The following POU2F2 variants were observed in gnomAD, a reference collection of about 807,000 sequenced individuals.
The protein encoded by POU2F2 is POU class 2 homeobox 2.
Under a neutral mutation model 63.5 loss-of-function variants are expected in POU2F2, and 14 were observed. The ratio of observed to expected loss-of-function variants is 0.22; its 90% CI spans 0.15 to 0.34. The LOEUF (loss-of-function observed/expected upper bound fraction) is 0.34, where lower values mean the gene tolerates loss of function less well. Ranked by LOEUF, POU2F2 falls within the 10% of genes least tolerant of loss-of-function variation. POU2F2 has a pLI of 1.00. For missense variants in POU2F2, 607 were observed against 815.2 expected (o/e 0.74, Z 3.11); for synonymous variants, 306 against 348.6 (o/e 0.88, Z 1.36).
chr19:42,188,578 G>A (rs2035039077), intron 1 of POU2F2, among the ~76,000 whole-genome samples: 1 of 150,968 alleles, frequency 6.6e-6, no homozygotes, highest in Non-Finnish European at 1.5e-5. Context: ...GGCTGAGGCA[G>A]GAGAATTGCT....
rs765790484 is a variant in POU2F2, at chr19:42,092,229, G to C, written c.1306C>G (p.Arg436Gly). ...CCGCCCCCACCCCCTCCAGCTGTCC[G>C]GCTGGGGTGGAGCGTCCCCACAGCT... The part of the protein sequence containing the change: ...SSAVGTLHPS[R>G]TAGGGGGGGG... The change falls in exon 13 of 15, where the codon CGG (arginine) becomes GGG (glycine). Residue 436 changes from arginine (R) to glycine (G), a missense_variant. By Grantham distance (125) the Arg-to-Gly change is moderately radical. Around this residue, in one of 7 missense-constraint regions of POU2F2, gnomAD observed 270 missense variants for 307.5 expected, o/e 0.88. Coordinates refer to ENST00000692977, the MANE Select transcript of POU2F2 (RefSeq NM_001394376.1). This position sits in a 1 kb window ranked among gnomAD's most constrained non-coding sequence, Gnocchi z 5.0. 1 of 1,567,898 alleles carries C rather than the reference G, an allele frequency of 6.4e-7. No homozygotes were observed. Among genetic ancestry groups the C allele is most frequent in the East Asian group, 2.3e-5 (1 of 43,488 alleles).
chr19:42,194,862 T>A (rs1375378779), intron 1 of POU2F2, among the ~76,000 whole-genome samples: 224 of 30,094 alleles, frequency 7.4e-3, no homozygotes, highest in Middle Eastern at 0.02. Flanking sequence ...GGAGGGAAGG[T>A]GGAAAGAAGG....
Position 42,117,072 on chromosome 19 carries a change from G to C in POU2F2, c.369+178C>G. 1.5e-6 allele frequency: 1 copy of C among 668,692 alleles called. No homozygotes were observed. Among genetic ancestry groups the C allele is most frequent in the Non-Finnish European group, 2.7e-6 (1 of 372,490 alleles). The allele number at this position is 668,692 out of a possible 1,614,324, so 41.4% of individuals were successfully genotyped here. On this transcript the variant is annotated intron_variant, in intron 5 of 14. Coordinates refer to ENST00000692977, the MANE Select transcript of POU2F2 (RefSeq NM_001394376.1). This position sits in a 1 kb window ranked among gnomAD's most constrained non-coding sequence, Gnocchi z 4.4. Reference sequence around the variant, plus strand: ...GAAGAGGAGCAGAGAAGGCAGAGAGGGGTTAGTGCCTAAGCCAAGCAAGTA... The same window carrying C: ...GAAGAGGAGCAGAGAAGGCAGAGAGCGGTTAGTGCCTAAGCCAAGCAAGTA...
intron 5 of POU2F2, among the ~76,000 whole-genome samples, chr19:42,112,515 G>A (rs945162436): frequency 1.3e-5 from 2 of 152,100 alleles, no homozygotes; most frequent in East Asian, 1.9e-4. Context: ...GATTACAGGC[G>A]CATGCCACCA....
At chr19:42,186,391 G>C (rs935684686) in intron 1 of POU2F2, among the ~76,000 whole-genome samples, 4 of 152,128 alleles carry the variant, frequency 2.6e-5, no homozygotes, top group African/African-American at 9.7e-5. Context: ...TTCTGAAGGA[G>C]TCATTAAAAT....
chr19:42,128,851 T>A (rs1327609137), intron 1 of POU2F2, among the ~76,000 whole-genome samples: 3 of 151,836 alleles, frequency 2.0e-5, no homozygotes, highest in Admixed American at 6.6e-5. Flanking sequence ...TTTTTTTTTT[T>A]AGACAGAGTC....
chr19:42,159,546 C>T (rs1339610586), intron 2 of POU2F2, among the ~76,000 whole-genome samples: 1 of 152,180 alleles, frequency 6.6e-6, no homozygotes, highest in Non-Finnish European at 1.5e-5. Flanking sequence ...CCTGTCCACC[C>T]TCCTCCCTAG....
At chr19:42,114,641 C>T (rs1225901553) in intron 5 of POU2F2, among the ~76,000 whole-genome samples, 2 of 152,148 alleles carry the variant, frequency 1.3e-5, no homozygotes, top group Non-Finnish European at 2.9e-5. Context: ...GCAGCAGCCG[C>T]GGATCATGTG....
intron 1 of POU2F2, among the ~76,000 whole-genome samples, chr19:42,183,413 T>A (rs1021731799): frequency 1.3e-5 from 2 of 151,172 alleles, no homozygotes; most frequent in African/African-American, 4.9e-5. Flanking sequence ...AGCAAATGAG[T>A]GGTTGAAAAG....
rs544903736 is a variant in POU2F2, at chr19:42,181,712, G to A, written c.-70+14671C>T. Among the ~76,000 whole-genome samples the A allele has an allele frequency of 5.3e-5, 8 of 152,052 alleles. No homozygotes were observed. The South Asian group carries it at 1.2e-3, about 24-fold the overall frequency. ...AGCTATTCTCCTGCCTCAGCCTCCC[G>A]AGTAGCTGGGATTACAGGCGCATGC... On this transcript the variant is annotated intron_variant, in intron 1 of 5. Coordinates refer to the POU2F2 transcript ENST00000532176.
chr19:42,182,547 G>C (rs2034974024), intron 1 of POU2F2, among the ~76,000 whole-genome samples: 1 of 152,202 alleles, frequency 6.6e-6, no homozygotes, highest in African/African-American at 2.4e-5. Flanking sequence ...GAAACAGACA[G>C]AGGCTTTTCT....
intron 7 of POU2F2, among the ~76,000 whole-genome samples, chr19:42,099,008 G>A (rs1275310541): frequency 6.6e-6 from 1 of 152,204 alleles, no homozygotes; most frequent in Non-Finnish European, 1.5e-5. Context: ...GGTTTATCAA[G>A]AGGAGCTGGA....
rs1057166240 is a variant in POU2F2 at position 42,086,662 on chromosome 19, C to T, written c.*4595G>A. The T allele has an allele frequency of 3.0e-4, 45 of 152,136 alleles. No individual in the cohort carries two copies. The highest frequency in any genetic ancestry group is 1.1e-3 in the African/African-American group (44 of 41,420). The allele number at this position is 152,136 out of a possible 1,614,324, so 9.4% of individuals were successfully genotyped here. Reference sequence around the variant, plus strand: ...CTTCCCAAAGACTCCTCGCCCATTCCCCACCCTGCCATTATCCAAAGGCTC... The same window carrying T: ...CTTCCCAAAGACTCCTCGCCCATTCTCCACCCTGCCATTATCCAAAGGCTC... On this transcript the variant is annotated 3_prime_UTR_variant, in exon 15 of 15. Coordinates refer to ENST00000692977, the MANE Select transcript of POU2F2 (RefSeq NM_001394376.1).
In POU2F2 at chr19:42,117,063, G is replaced by T; in HGVS notation, c.369+187C>A. The T allele has an allele frequency of 3.0e-6, 2 of 668,456 alleles. No individual in the cohort carries two copies. Among genetic ancestry groups the T allele is most frequent in the East Asian group, 2.6e-5 (1 of 38,514 alleles). 41.4% of individuals were successfully genotyped at this position (668,456 alleles called of 1,614,324 possible). ...CAAGGGGTTGAAGAGGAGCAGAGAA[G>T]GCAGAGAGGGGTTAGTGCCTAAGCC... On this transcript the variant is annotated intron_variant, in intron 5 of 14. Coordinates refer to ENST00000692977, the MANE Select transcript of POU2F2 (RefSeq NM_001394376.1). The surrounding 1 kb of genome is among the most constrained non-coding windows in gnomAD (Gnocchi z 4.4).
intron 5 of POU2F2, among the ~76,000 whole-genome samples, chr19:42,100,699 C>T (rs773601109): frequency 2.4e-4 from 36 of 151,710 alleles, no homozygotes; most frequent in Non-Finnish European, 4.6e-4. Flanking sequence ...TGCAGTGAGC[C>T]GAGATCACGC....
intron 1 of POU2F2, among the ~76,000 whole-genome samples, chr19:42,195,137 C>T (rs1327376676): frequency 1.7e-5 from 1 of 57,156 alleles, no homozygotes; most frequent in Non-Finnish European, 3.1e-5. Flanking sequence ...GAGGGAGGAA[C>T]GAAGGGAGGG....
chr19:42,108,901 G>A (rs1459164142), intron 5 of POU2F2, among the ~76,000 whole-genome samples: 1 of 152,234 alleles, frequency 6.6e-6, no homozygotes, highest in African/African-American at 2.4e-5. Context: ...GCTGAGAAGG[G>A]ACGGTACCGA....
intron 1 of POU2F2, among the ~76,000 whole-genome samples, chr19:42,171,088 G>A (rs1182765866): frequency 2.0e-5 from 3 of 152,234 alleles, no homozygotes; most frequent in African/African-American, 4.8e-5. Context: ...AAGGGATTCC[G>A]ATGTACCCTG....
chr19:42,173,971 G>C (rs2034821453), intron 1 of POU2F2, among the ~76,000 whole-genome samples: 1 of 152,154 alleles, frequency 6.6e-6, no homozygotes. Flanking sequence ...GTCACCCCCT[G>C]ACATGGGACG....
Sources: gnomAD v4.1 joint callset for allele counts (sites outside exome capture counted in the v4.1 genomes callset) on GRCh38, gnomAD v4.1.1 for gene constraint, gnomAD v4.1.1 regional missense constraint, Gnocchi (gnomAD v3.1) non-coding constraint, MANE v1.5 for transcripts, NCBI Gene and HGNC (gene_info 2026-07-23, HGNC 2026-07-21) for gene names.